ARHGEF38: variants seen among roughly 807,000 people sequenced by gnomAD.
The protein encoded by ARHGEF38 is Rho guanine nucleotide exchange factor 38.
Under a neutral mutation model 79.9 loss-of-function variants are expected in ARHGEF38, and 79 were observed. The ratio of observed to expected loss-of-function variants is 0.99; its 90% confidence interval spans 0.82 to 1.19. ARHGEF38 has a LOEUF of 1.19. Among genes scored for constraint, ARHGEF38 ranks in the 50% most tolerant of loss-of-function variants. The pLI is 0.00. For synonymous variants in ARHGEF38, 366 were observed against 328.3 expected (o/e 1.11, Z -1.24); for missense variants, 962 against 907.2 (o/e 1.06, Z -0.78).
chr4:105,563,365 G>A (rs747818889), intron 1 of ARHGEF38: 8 of 152,206 alleles, frequency 5.3e-5, no homozygotes, highest in East Asian at 3.9e-4. Context: ...CATGGAACAA[G>A]GTAATAATAC....
Position 105,659,283 on chromosome 4 carries a change from T to C in ARHGEF38, c.1463T>C (p.Leu488Pro). The C allele has an allele frequency of 7.2e-6, 11 of 1,536,118 alleles. No homozygotes were observed. Among genetic ancestry groups the C allele is most frequent in the Non-Finnish European group, 9.6e-6 (11 of 1,146,888 alleles). ...TTCAACCAGGCTGCTCGGAAGATTC[T>C]GTTGAACTGTCTATGCAGCTTCATT... is the stretch of plus-strand genomic sequence containing the variant. ...QAFNQAARKILLNCLCSFITL... is the reference protein window; with the variant it reads ...QAFNQAARKIPLNCLCSFITL... The change falls in exon 10 of 14, where the codon CTG (leucine) becomes CCG (proline). Residue 488 changes from leucine to proline, a missense_variant. Physicochemically the swap from Leu to Pro is moderately conservative, Grantham distance 98. Transcript: ENST00000420470.
chr4:105,641,936 G>A (rs1373272681), intron 5 of ARHGEF38, among the ~76,000 whole-genome samples: 1 of 152,078 alleles, frequency 6.6e-6, no homozygotes, highest in African/African-American at 2.4e-5. Flanking sequence ...ACTTGCCAAA[G>A]TATTTATGAT....
At chr4:105,653,894 G>T (rs1035098623) in intron 7 of ARHGEF38, among the ~76,000 whole-genome samples, 171 bp from the exon 8 acceptor site, 2 of 152,216 alleles carry the variant, frequency 1.3e-5, no homozygotes, top group African/African-American at 2.4e-5. Flanking sequence ...AGCATCAGTT[G>T]TGTTATGTAC....
At chr4:105,564,768 T>C (rs1278357783) in intron 1 of ARHGEF38, among the ~76,000 whole-genome samples, 1 of 152,208 alleles carries the variant, frequency 6.6e-6, no homozygotes, top group Non-Finnish European at 1.5e-5. Context: ...AGTGTTACTT[T>C]TGTCAATGAA....
chr4:105,612,136 A>C (rs1728321330), intron 2 of ARHGEF38, among the ~76,000 whole-genome samples: 1 of 152,134 alleles, frequency 6.6e-6, no homozygotes, highest in Admixed American at 6.6e-5. Context: ...AATGTCAAAA[A>C]GGAATGGGAT....
chr4:105,595,198 C>A (rs1727525011), intron 2 of ARHGEF38, among the ~76,000 whole-genome samples: 1 of 152,140 alleles, frequency 6.6e-6, no homozygotes. Context: ...AACTCCATTA[C>A]CAGCATCTTT....
At chr4:105,670,538 G>GT (rs950835860) in intron 13 of ARHGEF38, among the ~76,000 whole-genome samples, 4 of 151,102 alleles carry the variant, frequency 2.6e-5, no homozygotes, top group East Asian at 1.9e-4. Flanking sequence ...CTGAGTGCAA[G>GT]TTTTTTTTTA....
intron 2 of ARHGEF38, among the ~76,000 whole-genome samples, chr4:105,602,377 T>C (rs1368904792): frequency 2.0e-5 from 3 of 152,180 alleles, no homozygotes; most frequent in African/African-American, 7.2e-5. Flanking sequence ...CAGAGGAATT[T>C]AAACTGTGTT....
intron 1 of ARHGEF38, among the ~76,000 whole-genome samples, chr4:105,574,052 TTG>T (rs1726364190): frequency 6.6e-6 from 1 of 152,218 alleles, no homozygotes; most frequent in Non-Finnish European, 1.5e-5. Flanking sequence ...CAACTGATTT[TTG>T]TGTGTTGACT....
chr4:105,590,074 AGAAG>A (rs70941203), intron 2 of ARHGEF38, among the ~76,000 whole-genome samples: 27,539 of 109,190 alleles, frequency 0.25, 4,064 homozygotes, highest in East Asian at 0.42. Flanking sequence ...AAAGAAAGAA[AGAAG>A]GAAGGAAGGA....
chr4:105,575,685 T>C (rs1560695245), intron 1 of ARHGEF38, among the ~76,000 whole-genome samples: 2 of 152,158 alleles, frequency 1.3e-5, no homozygotes, highest in African/African-American at 2.4e-5. Context: ...TTGCTTTTTT[T>C]CCATTTGCTT....
chr4:105,619,732 A>G (rs890838868), intron 3 of ARHGEF38, among the ~76,000 whole-genome samples: 3 of 152,202 alleles, frequency 2.0e-5, no homozygotes, highest in Admixed American at 1.3e-4. Context: ...CAGCAGCCCT[A>G]TGTGACTGGA....
intron 13 of ARHGEF38, among the ~76,000 whole-genome samples, chr4:105,672,776 C>A (rs1448042659): frequency 6.6e-6 from 1 of 152,188 alleles, no homozygotes; most frequent in Non-Finnish European, 1.5e-5. Flanking sequence ...CTCTTCCCAG[C>A]TCATGGTCAT....
chr4:105,659,036 C>T lies in ARHGEF38; in HGVS notation c.1234-18C>T, dbSNP rs1443495394. The T allele has an allele frequency of 3.9e-6, 6 of 1,520,692 alleles. No homozygotes were observed. The highest frequency in any genetic ancestry group is 5.3e-6 in the Non-Finnish European group (6 of 1,138,956). 94.2% of individuals were successfully genotyped at this position (1,520,692 alleles called of 1,614,324 possible). A position where few individuals can be genotyped will look rare whatever the true frequency, so the allele number is the denominator to read the frequency against. ...GCTGATCCTCTCTCTGAAATGGGCTCATTTTTTCTTTTGGCAGGCATCTCA... is the reference window on the plus strand; with the variant it reads ...GCTGATCCTCTCTCTGAAATGGGCTTATTTTTTCTTTTGGCAGGCATCTCA... On this transcript the variant is annotated intron_variant, in intron 9 of 13. Coordinates refer to ENST00000420470, the MANE Select transcript of ARHGEF38 (RefSeq NM_001242729.2).
intron 1 of ARHGEF38, among the ~76,000 whole-genome samples, chr4:105,585,756 G>C (rs957462247): frequency 1.2e-4 from 3 of 24,114 alleles, no homozygotes; most frequent in African/African-American, 4.5e-4. Flanking sequence ...TTTTGAGATG[G>C]AGTCTCCTTC....
chr4:105,597,455 TTC>T (rs1727632290), intron 2 of ARHGEF38, among the ~76,000 whole-genome samples: 1 of 152,094 alleles, frequency 6.6e-6, no homozygotes, highest in Non-Finnish European at 1.5e-5. Context: ...AACCATGGAA[TTC>T]TCTCTCTCTT....
intron 1 of ARHGEF38, chr4:105,569,756 T>C (rs1726124832): frequency 6.6e-6 from 1 of 152,186 alleles, no homozygotes; most frequent in African/African-American, 2.4e-5. Flanking sequence ...AGCTTCTGCA[T>C]GCGTAAAAGG....
Position 105,680,850 on chromosome 4 carries a change from T to A in ARHGEF38, c.*2913T>A, listed in dbSNP as rs1338257629. On this transcript the variant is annotated 3_prime_UTR_variant, in exon 14 of 14. Coordinates refer to ENST00000420470, the MANE Select transcript of ARHGEF38 (RefSeq NM_001242729.2). ...AACTCTATGTAGCACGTATTTTCCA[T>A]GATGGGATAAATGTTTTCATTTCAA... The A allele has an allele frequency of 6.6e-6, 1 of 152,338 alleles. No homozygotes were observed. Among genetic ancestry groups the A allele is most frequent in the East Asian group, 1.9e-4 (1 of 5,186 alleles). The allele number at this position is 152,338 out of a possible 1,614,324, so 9.4% of individuals were successfully genotyped here.
At chr4:105,592,705 AC>A (rs1334825731) in intron 2 of ARHGEF38, among the ~76,000 whole-genome samples, 1 of 152,164 alleles carries the variant, frequency 6.6e-6, no homozygotes, top group Non-Finnish European at 1.5e-5. Context: ...AGATTCTCTC[AC>A]ATTCTTTTCC....
Sources: gnomAD v4.1 joint callset for allele counts (sites outside exome capture counted in the v4.1 genomes callset) on GRCh38, gnomAD v4.1.1 for gene constraint, MANE v1.5 for transcripts, NCBI Gene and HGNC (gene_info 2026-07-23, HGNC 2026-07-21) for gene names.